The following PLXDC2 variants were observed in gnomAD, a reference collection of about 807,000 sequenced individuals.
PLXDC2 encodes plexin domain containing 2.
In PLXDC2, 40 loss-of-function variants were observed where a neutral mutation model predicts 68.9. That is an observed-to-expected ratio of 0.58 (90% CI 0.45 to 0.76). PLXDC2 has a LOEUF of 0.76. PLXDC2 is among the 30% of genes least tolerant of loss of function. The pLI is 0.00. For synonymous variants in PLXDC2, 243 were observed against 234.2 expected (o/e 1.04, Z -0.34); for missense variants, 644 against 661.9 (o/e 0.97, Z 0.30).
At chr10:20,255,191 G>GATAGATAGATA (rs1554779054) in intron 13 of PLXDC2, among the ~76,000 whole-genome samples, 221 of 96,804 alleles carry the variant, frequency 2.3e-3, no homozygotes, top group Non-Finnish European at 3.6e-3. Flanking sequence ...ATAGGTGGAT[G>GATAGATAGATA]GATAGATAGA....
chr10:19,893,574 G>A (rs1202935170), intron 1 of PLXDC2, among the ~76,000 whole-genome samples: 1 of 152,180 alleles, frequency 6.6e-6, no homozygotes, highest in Non-Finnish European at 1.5e-5. Flanking sequence ...TTTAAATCAG[G>A]TGGAAGCTCT....
chr10:19,817,912 C>T (rs1836386057), intron 1 of PLXDC2, among the ~76,000 whole-genome samples: 1 of 152,206 alleles, frequency 6.6e-6, no homozygotes, highest in African/African-American at 2.4e-5. Flanking sequence ...CCCCCAACCT[C>T]CGCATCCTCT....
intron 1 of PLXDC2, among the ~76,000 whole-genome samples, chr10:19,963,197 A>T (rs190651043): frequency 6.6e-6 from 1 of 152,196 alleles, no homozygotes. Context: ...TTTCCCTTGA[A>T]ATCAGAAGTA....
chr10:20,130,527 A>G (rs570107691), intron 4 of PLXDC2, among the ~76,000 whole-genome samples: 2 of 152,146 alleles, frequency 1.3e-5, no homozygotes, highest in African/African-American at 2.4e-5. Flanking sequence ...AACTTCTAAT[A>G]TTATATTGAA....
chr10:20,106,723 AT>A lies in PLXDC2; in HGVS notation c.542-36571del, dbSNP rs955289025. Among the ~76,000 whole-genome samples the A allele has an allele frequency of 1.6e-4, 25 of 151,990 alleles. No homozygotes were observed. In the South Asian group the frequency reaches 2.1e-3, roughly 13 times the overall value. Reference sequence around the variant, plus strand: ...TTTTTTTCCCAATTACCTCTTAAGCATCCTTCAACTCTCGGCCTTTCAGAAC... The same window carrying A: ...TTTTTTTCCCAATTACCTCTTAAGCACCTTCAACTCTCGGCCTTTCAGAAC... On this transcript the variant is annotated intron_variant, in intron 4 of 13. Coordinates refer to ENST00000377252, the MANE Select transcript of PLXDC2 (RefSeq NM_032812.9).
chr10:20,260,855 T>C (rs535971785), intron 13 of PLXDC2, among the ~76,000 whole-genome samples: 2 of 152,330 alleles, frequency 1.3e-5, no homozygotes, highest in South Asian at 2.1e-4. Context: ...TTCCCAACAC[T>C]TGTTATCTCT....
chr10:20,040,876 T>C (rs1206039554), intron 2 of PLXDC2, among the ~76,000 whole-genome samples: 1 of 152,228 alleles, frequency 6.6e-6, no homozygotes, highest in East Asian at 1.9e-4. Context: ...AAAGGTTACC[T>C]AAAACATTAA....
intron 6 of PLXDC2, among the ~76,000 whole-genome samples, chr10:20,149,735 T>C (rs185701984): frequency 4.6e-5 from 7 of 152,292 alleles, no homozygotes; most frequent in Admixed American, 2.6e-4. Context: ...TCCAGGTCCC[T>C]ACAGAAGACA....
chr10:19,833,007 A>G (rs1261108677), intron 1 of PLXDC2, among the ~76,000 whole-genome samples: 1 of 152,186 alleles, frequency 6.6e-6, no homozygotes, highest in Non-Finnish European at 1.5e-5. Context: ...CTCTCTAGTC[A>G]TAATAACTGT....
intron 6 of PLXDC2, among the ~76,000 whole-genome samples, chr10:20,153,088 A>G (rs1016776562): frequency 1.3e-5 from 2 of 152,128 alleles, no homozygotes; most frequent in African/African-American, 4.8e-5. Context: ...AGTGCCCCTG[A>G]ATGCATGTAT....
At chr10:20,104,694 GA>G (rs781778131) in intron 4 of PLXDC2, among the ~76,000 whole-genome samples, 83 of 151,928 alleles carry the variant, frequency 5.5e-4, no homozygotes, top group African/African-American at 2.0e-3. Flanking sequence ...TAAATGGGGG[GA>G]GAAAACACAT....
chr10:20,266,821 C>T (rs537289739), intron 13 of PLXDC2, among the ~76,000 whole-genome samples: 1 of 152,206 alleles, frequency 6.6e-6, no homozygotes, highest in East Asian at 1.9e-4. Flanking sequence ...CATTATCTGT[C>T]TCATTTCATC....
chr10:20,236,082 T>C (rs1045896995), intron 12 of PLXDC2, among the ~76,000 whole-genome samples: 1 of 152,204 alleles, frequency 6.6e-6, no homozygotes, highest in African/African-American at 2.4e-5. Flanking sequence ...CGTTGGGTAC[T>C]AGGATTTTCT....
At chr10:20,192,171 G>A (rs567160383) in intron 9 of PLXDC2, among the ~76,000 whole-genome samples, 5 of 152,146 alleles carry the variant, frequency 3.3e-5, no homozygotes, top group African/African-American at 1.2e-4. Context: ...TGCATGGATT[G>A]TAGAAGAGAT....
rs1836201566 is a variant in PLXDC2 at position 20,289,425 on chromosome 10, C to G, written c.*9606C>G. The G allele has an allele frequency of 6.6e-6, 1 of 152,236 alleles. No individual in the cohort carries two copies. Among genetic ancestry groups the G allele is most frequent in the African/African-American group, 2.4e-5 (1 of 41,446 alleles). The allele number at this position is 152,236 out of a possible 1,614,324, so 9.4% of individuals were successfully genotyped here. A position where few individuals can be genotyped will look rare whatever the true frequency, so the allele number is the denominator to read the frequency against. On this transcript the variant is annotated 3_prime_UTR_variant, in exon 14 of 14. Coordinates refer to ENST00000377252, the MANE Select transcript of PLXDC2 (RefSeq NM_032812.9). ...TTCAGTTCAGCTCTTGCCTCTGTCA[C>G]TAATCTTGCTTTATGAACTCCTTTG...
In PLXDC2 at chr10:20,013,685, C is replaced by G. The variant is rs1325931855; in HGVS notation, c.324+11699C>G. Among the ~76,000 whole-genome samples, 6 of 152,090 alleles carry G rather than the reference C, an allele frequency of 3.9e-5. No homozygotes were observed. The East Asian group carries it at 1.2e-3, about 29-fold the overall frequency. Reference sequence around the variant, plus strand: ...TTACAAGGTATCTCACCAAACCTTCCCAAAGAACTGAAAACAATTCATTTG... The same window carrying G: ...TTACAAGGTATCTCACCAAACCTTCGCAAAGAACTGAAAACAATTCATTTG... On this transcript the variant is annotated intron_variant, in intron 2 of 13. Transcript: ENST00000377252.
intron 1 of PLXDC2, among the ~76,000 whole-genome samples, chr10:19,936,516 G>A (rs1002148816): frequency 4.6e-5 from 7 of 152,148 alleles, no homozygotes; most frequent in African/African-American, 1.7e-4. Context: ...GGCTGGAGTT[G>A]GCTCATGGAT....
At chr10:20,159,262 A>G (rs1418082026) in intron 6 of PLXDC2, among the ~76,000 whole-genome samples, 1 of 152,178 alleles carries the variant, frequency 6.6e-6, no homozygotes, top group Admixed American at 6.6e-5. Flanking sequence ...CTGGAGTTGT[A>G]CAACCTATAA....
chr10:20,079,622 T>C (rs1008270361), intron 4 of PLXDC2, among the ~76,000 whole-genome samples: 1 of 152,228 alleles, frequency 6.6e-6, no homozygotes, highest in African/African-American at 2.4e-5. Flanking sequence ...AGTGAGTTCA[T>C]GTACTTTGCA....
Sources: gnomAD v4.1 joint callset for allele counts (sites outside exome capture counted in the v4.1 genomes callset) on GRCh38, gnomAD v4.1.1 for gene constraint, MANE v1.5 for transcripts, NCBI Gene and HGNC (gene_info 2026-07-23, HGNC 2026-07-21) for gene names.